The following ZNF518B variants were observed in gnomAD, a reference collection of about 807,000 sequenced individuals.
The protein encoded by ZNF518B is zinc finger protein 518B.
ZNF518B carries 23 observed loss-of-function variants against 56.3 expected under a neutral mutation model. The observed-to-expected ratio is 0.41, with a 90% CI of 0.29 to 0.58. ZNF518B has a LOEUF of 0.58. ZNF518B is among the 20% of genes least tolerant of loss of function. ZNF518B has a pLI of 0.32. For missense variants in ZNF518B, 1,460 were observed against 1,272.1 expected, an observed-to-expected ratio of 1.15 and a Z score of -2.25; for synonymous variants, 529 against 465.9, an observed-to-expected ratio of 1.14 and a Z score of -1.74.
chr4:10,447,867 T>C lies in ZNF518B; in HGVS notation c.-211-1328A>G, dbSNP rs1715137864. 3.9e-5 allele frequency among the ~76,000 whole-genome samples: 6 copies of C among 152,152 alleles called. 1 individual carries two copies. Among genetic ancestry groups the C allele is most frequent in the Admixed American group, 3.9e-4 (6 of 15,280 alleles). Reference sequence around the variant, plus strand: ...TTTCTCCATGTTGGCCAGGCTGGTCTTTAACCCCTGACCTCAGGTGATCTG... The same window carrying C: ...TTTCTCCATGTTGGCCAGGCTGGTCCTTAACCCCTGACCTCAGGTGATCTG... On this transcript the variant is annotated intron_variant, in intron 2 of 2. Transcript: ENST00000326756.
chr4:10,458,322 G>A (rs1215766343), upstream of ZNF518B, among the ~76,000 whole-genome samples: 1 of 151,740 alleles, frequency 6.6e-6, no homozygotes, highest in Non-Finnish European at 1.5e-5. Flanking sequence ...AACAGCTAAA[G>A]TTTATTTCAA....
At position 10,444,158 on chromosome 4, in the gene ZNF518B, A is replaced by G. The variant is rs768743584; in HGVS notation, c.2171T>C (p.Leu724Pro). ...ACCACCATCATTCGGAGGTTTCTGAAGAGTACCTGTGGAATGGCCAAGACC... is the reference window on the plus strand; with the variant it reads ...ACCACCATCATTCGGAGGTTTCTGAGGAGTACCTGTGGAATGGCCAAGACC... ...LTGLGHSTGT[L>P]QKPPNDGGIT... The change falls in exon 3 of 3, where the codon CTT (leucine) becomes CCT (proline). Residue 724 changes from leucine (L) to proline (P), a missense_variant. Leu to Pro is a moderately conservative substitution (Grantham distance 98). Coordinates refer to ENST00000326756, the MANE Select transcript of ZNF518B (RefSeq NM_053042.3). The G allele has an allele frequency of 1.2e-6, 2 of 1,614,134 alleles. No individual in the cohort carries two copies. The highest frequency in any genetic ancestry group is 1.7e-6 in the Non-Finnish European group (2 of 1,180,058).
rs754265311 is a variant in ZNF518B at position 10,444,108 on chromosome 4, G to A, written c.2221C>T (p.His741Tyr). The A allele has an allele frequency of 6.2e-7, 1 of 1,614,194 alleles. No individual in the cohort carries two copies. The highest frequency in any genetic ancestry group is 1.1e-5 in the South Asian group (1 of 91,086). The part of the protein sequence containing the change: ...GGITGNRQLT[H>Y]QQIYPHFADG... ...GCAAAGTGTGGATATATTTGTTGATGAGTAAGCTGTCTATTACCAGTAATA... is the reference window on the plus strand; with the variant it reads ...GCAAAGTGTGGATATATTTGTTGATAAGTAAGCTGTCTATTACCAGTAATA... The change falls in exon 3 of 3, where the codon CAT becomes TAT. Residue 741 changes from histidine (H) to tyrosine (Y), a missense_variant. Coordinates refer to ENST00000326756, the MANE Select transcript of ZNF518B (RefSeq NM_053042.3).
intron 2 of ZNF518B, among the ~76,000 whole-genome samples, chr4:10,448,610 C>T (rs1715170017): frequency 6.6e-6 from 1 of 151,862 alleles, no homozygotes; most frequent in Non-Finnish European, 1.5e-5. Context: ...CTTAAGTATG[C>T]ATACAACACT....
At chr4:10,456,672 G>A (rs993615596) in intron 1 of ZNF518B, among the ~76,000 whole-genome samples, 2 of 152,196 alleles carry the variant, frequency 1.3e-5, no homozygotes, top group Non-Finnish European at 2.9e-5. Flanking sequence ...GGAGGACGAG[G>A]CCAGGTGCAT....
Position 10,445,749 on chromosome 4 carries a change from A to G in ZNF518B, c.580T>C (p.Tyr194His). ...TTTCTAATAGCACCATAGTCACAATACTCACACTGATAAGGAAATATGCCT... is the reference window on the plus strand; with the variant it reads ...TTTCTAATAGCACCATAGTCACAATGCTCACACTGATAAGGAAATATGCCT... The part of the protein sequence containing the change: ...HTGIFPYQCE[Y>H]CDYGAIRNDY... The change falls in exon 3 of 3, where the codon TAT becomes CAT. Residue 194 changes from tyrosine (Y) to histidine (H), a missense_variant. Transcript: ENST00000326756. 1 of 1,614,178 alleles carries G rather than the reference A, an allele frequency of 6.2e-7. No homozygotes were observed. The highest frequency in any genetic ancestry group is 8.5e-7 in the Non-Finnish European group (1 of 1,180,034).
At position 10,442,179 on chromosome 4, in the gene ZNF518B, C is replaced by T. The variant is rs1249604112; in HGVS notation, c.*925G>A. Reference sequence around the variant, plus strand: ...TCTTTGGATGAATCCCAAATGAAAACTAAAGGGCATATGAAACCCTTTTCA... The same window carrying T: ...TCTTTGGATGAATCCCAAATGAAAATTAAAGGGCATATGAAACCCTTTTCA... On this transcript the variant is annotated 3_prime_UTR_variant, in exon 3 of 3. Coordinates refer to ENST00000326756, the MANE Select transcript of ZNF518B (RefSeq NM_053042.3). 1 of 152,182 alleles carries T rather than the reference C, an allele frequency of 6.6e-6. No homozygotes were observed. Among genetic ancestry groups the T allele is most frequent in the Non-Finnish European group, 1.5e-5 (1 of 68,042 alleles). The allele number at this position is 152,182 out of a possible 1,614,324, so 9.4% of individuals were successfully genotyped here.
upstream of ZNF518B, among the ~76,000 whole-genome samples, chr4:10,461,306 C>T (rs1314490706): frequency 1.3e-5 from 2 of 152,246 alleles, no homozygotes; most frequent in Admixed American, 6.5e-5. Flanking sequence ...CTTGGCTCTC[C>T]TGGCCCGCAC....
Position 10,442,939 on chromosome 4 carries a change from C to G in ZNF518B, c.*165G>C, listed in dbSNP as rs1221059626. 3 of 616,150 alleles carry G rather than the reference C, an allele frequency of 4.9e-6. No individual in the cohort carries two copies. The highest frequency in any genetic ancestry group is 3.2e-5 in the Admixed American group (1 of 31,654). The allele number at this position is 616,150 out of a possible 1,614,324, so 38.2% of individuals were successfully genotyped here. A position where few individuals can be genotyped will look rare whatever the true frequency, so the allele number is the denominator to read the frequency against. On this transcript the variant is annotated 3_prime_UTR_variant, in exon 3 of 3. Transcript: ENST00000326756. ...CTTCAAATACATTCTGGGGTCCAAT[C>G]ACATACTTCAGGTTCAGACTCCTAG... is the stretch of plus-strand genomic sequence containing the variant.
chr4:10,448,972 T>C (rs976556796), intron 2 of ZNF518B, among the ~76,000 whole-genome samples: 2 of 152,062 alleles, frequency 1.3e-5, no homozygotes, highest in Admixed American at 6.5e-5. Context: ...TATTATCTAT[T>C]AAAAAAAGGC....
chr4:10,458,581 C>A (rs931584305), upstream of ZNF518B, among the ~76,000 whole-genome samples: 2 of 152,238 alleles, frequency 1.3e-5, no homozygotes, highest in Non-Finnish European at 2.9e-5. Context: ...GCAAATCCTT[C>A]TTCCTGCCCT....
Position 10,442,304 on chromosome 4 carries a change from G to C in ZNF518B, c.*800C>G, listed in dbSNP as rs1282876683. The C allele has an allele frequency of 6.6e-6, 1 of 152,138 alleles. No individual in the cohort carries two copies. Among genetic ancestry groups the C allele is most frequent in the Non-Finnish European group, 1.5e-5 (1 of 68,036 alleles). 9.4% of individuals were successfully genotyped at this position (152,138 alleles called of 1,614,324 possible). ...ATTGGTCACTTATGTTTCTGGGAGT[G>C]GTAAGGGCAAAGAGAAAATAGTTTT... On this transcript the variant is annotated 3_prime_UTR_variant, in exon 3 of 3. Transcript: ENST00000326756.
At position 10,445,579 on chromosome 4, in the gene ZNF518B, A is replaced by G. The variant is rs1030408923; in HGVS notation, c.750T>C (p.Thr250=). Residue 250 remains threonine (T), a synonymous_variant, in exon 3 of 3, where the codon ACT becomes ACC. Transcript: ENST00000326756. ...PELLKASNPR[T]TFQNKWSDQL... is the part of the protein sequence containing the mutation. The stretch of plus-strand genomic sequence containing the variant: ...GGTCTGACCACTTATTTTGAAATGT[A>G]GTCCGTGGATTGGAAGCTTTTAGAA... The G allele has an allele frequency of 1.2e-6, 2 of 1,614,058 alleles. No homozygotes were observed. The highest frequency in any genetic ancestry group is 1.1e-5 in the South Asian group (1 of 91,092).
Position 10,445,326 on chromosome 4 carries a change from C to T in ZNF518B, c.1003G>A (p.Ala335Thr). The change falls in exon 3 of 3, where the codon GCA (alanine) becomes ACA (threonine). Residue 335 changes from alanine to threonine, a missense_variant. Physicochemically the swap from Ala to Thr is moderately conservative, Grantham distance 58. Coordinates refer to ENST00000326756, the MANE Select transcript of ZNF518B (RefSeq NM_053042.3). Reference sequence around the variant, plus strand: ...CAGTTTGCAGGGACAACTAGTTCTGCTGGTGCAACAACTGTCAATGGCATA... The same window carrying T: ...CAGTTTGCAGGGACAACTAGTTCTGTTGGTGCAACAACTGTCAATGGCATA... ...PGMPLTVVAP[A>T]ELVVPANCLA... The T allele has an allele frequency of 6.2e-7, 1 of 1,614,236 alleles. No individual in the cohort carries two copies. Among genetic ancestry groups the T allele is most frequent in the Non-Finnish European group, 8.5e-7 (1 of 1,180,032 alleles).
At chr4:10,459,654 G>A (rs1217688631), upstream of ZNF518B, among the ~76,000 whole-genome samples, 1 of 152,156 alleles carries the variant, frequency 6.6e-6, no homozygotes, top group Admixed American at 6.5e-5. Context: ...AAGAGACGCA[G>A]AGAAGAAAAT....
chr4:10,460,329 A>AAC (rs1715708841), upstream of ZNF518B, among the ~76,000 whole-genome samples: 1 of 143,248 alleles, frequency 7.0e-6, no homozygotes, highest in Non-Finnish European at 1.5e-5. Flanking sequence ...AAAAACCAAA[A>AAC]AAAAAAAAAC....
upstream of ZNF518B, among the ~76,000 whole-genome samples, chr4:10,459,170 GACTTATC>G (rs1560177784): frequency 6.6e-6 from 1 of 152,132 alleles, no homozygotes; most frequent in East Asian, 1.9e-4. Context: ...AGCAAGTCAG[GACTTATC>G]ACAGTCCCTG....
chr4:10,448,462 T>C, intron 2 of ZNF518B, among the ~76,000 whole-genome samples: 1 of 152,280 alleles, frequency 6.6e-6, no homozygotes, highest in South Asian at 2.1e-4. Flanking sequence ...AGCACCAAAA[T>C]AACACATCAT....
rs370168358 is a variant in ZNF518B at position 10,444,714 on chromosome 4, A to G, written c.1615T>C (p.Phe539Leu). 9.3e-6 allele frequency: 15 copies of G among 1,614,224 alleles called. No homozygotes were observed. The East Asian group carries it at 1.1e-4, about 12-fold the overall frequency. The change falls in exon 3 of 3, where the codon TTC (phenylalanine) becomes CTC (leucine). Residue 539 changes from phenylalanine (F) to leucine (L), a missense_variant. Transcript: ENST00000326756. ...PFAASPATCSFSGEKGLLPVS... is the reference protein window; with the variant it reads ...PFAASPATCSLSGEKGLLPVS... ...GGCAATAAGCCCTTTTCTCCAGAGA[A>G]GGAACAGGTTGCAGGTGATGCAGCA...
Sources: allele counts gnomAD v4.1 joint callset (sites outside exome capture counted in the v4.1 genomes callset), GRCh38; gene constraint gnomAD v4.1.1; transcripts MANE v1.5; gene names NCBI Gene and HGNC (gene_info 2026-07-23, HGNC 2026-07-21).